Variants in TRNT1 observed in about 807,000 individuals in gnomAD.
TRNT1 encodes tRNA nucleotidyl transferase 1.
A neutral mutation model predicts 45.6 loss-of-function variants in TRNT1; 44 were observed. That is an observed-to-expected ratio of 0.97 (90% CI 0.76 to 1.24). TRNT1 has a LOEUF of 1.24. Ranked by LOEUF, TRNT1 falls within the 50% of genes most tolerant of loss-of-function variation. The pLI is 0.00. For synonymous variants in TRNT1, 201 were observed against 171.4 expected (o/e 1.17, Z -1.35); for missense variants, 633 against 504.4 (o/e 1.25, Z -2.44).
chr3:3,149,099 C>CATAACATCTTTGTACT (rs1370776761), downstream of TRNT1: 1 of 152,028 alleles, frequency 6.6e-6, no homozygotes, highest in Non-Finnish European at 1.5e-5. Flanking sequence ...TGTAGCCAGT[C>CATAACATCTTTGTACT]ATAACATCTT....
downstream of TRNT1, chr3:3,153,290 C>T: frequency 1.6e-6 from 1 of 627,454 alleles, no homozygotes; most frequent in East Asian, 2.8e-5. Context: ...CAAAAGTGAG[C>T]TAATTCCCTA....
chr3:3,146,361 A>G (rs1478056971), intron 5 of TRNT1, 69 bp from the exon 6 acceptor site: 1 of 1,287,222 alleles, frequency 7.8e-7, no homozygotes, highest in Non-Finnish European at 1.1e-6. Flanking sequence ...ACCAATAAAA[A>G]TGAAAAACAG....
intron 4 of TRNT1, among the ~76,000 whole-genome samples, chr3:3,143,234 G>A (rs1705770572): frequency 6.6e-6 from 1 of 152,044 alleles, no homozygotes; most frequent in Admixed American, 6.5e-5. Flanking sequence ...GTTTGCCTGA[G>A]CTTGAAATAC....
chr3:3,147,944 AC>A lies in TRNT1; in HGVS notation c.1096del (p.Leu366Ter). 6.2e-7 allele frequency: 1 copy of A among 1,613,968 alleles called. No homozygotes were observed. The highest frequency in any genetic ancestry group is 8.5e-7 in the Non-Finnish European group (1 of 1,179,874). ...ATGCAACTACTCGTGTATGTGAACTACTGAAGTACCAAGGAGAGCACTGTCT... is the reference window on the plus strand; with the variant it reads ...ATGCAACTACTCGTGTATGTGAACTATGAAGTACCAAGGAGAGCACTGTCT... ...PDATTRVCEL[L>X]KYQGEHCLLK... On this transcript the variant is annotated frameshift_variant, in exon 8 of 8. Coordinates refer to ENST00000251607, the MANE Select transcript of TRNT1 (RefSeq NM_182916.3). LOFTEE classifies it high-confidence loss of function.
chr3:3,129,640 T>C (rs981137749), intron 2 of TRNT1: 11 of 566,616 alleles, frequency 1.9e-5, no homozygotes, highest in Non-Finnish European at 3.5e-5. Context: ...TCCAAAAATA[T>C]AGCTAAATCA....
chr3:3,147,112 A>G (rs527702891), intron 6 of TRNT1, among the ~76,000 whole-genome samples: 12 of 152,270 alleles, frequency 7.9e-5, no homozygotes, highest in African/African-American at 2.9e-4. Context: ...TTTCAGTAAC[A>G]TTACTGAATG....
chr3:3,149,321 C>T (rs542294165), downstream of TRNT1: 14 of 152,184 alleles, frequency 9.2e-5, no homozygotes, highest in African/African-American at 3.4e-4. Context: ...TTAGACCCAA[C>T]GTCATATAAT....
chr3:3,152,470 G>C, downstream of TRNT1: 1 of 1,613,568 alleles, frequency 6.2e-7, no homozygotes, highest in Non-Finnish European at 8.5e-7. Context: ...GAAACCAGCT[G>C]TGTTCTGTAG....
downstream of TRNT1, chr3:3,152,457 C>A (rs1706636282): frequency 1.9e-6 from 3 of 1,613,714 alleles, no homozygotes; most frequent in Non-Finnish European, 2.5e-6. Context: ...TAATATTACC[C>A]AGGAAACCAG....
At position 3,148,894 on chromosome 3, in the gene TRNT1, T is replaced by G. The variant is rs998665800; in HGVS notation, c.*740T>G. The G allele has an allele frequency of 6.6e-6, 1 of 152,178 alleles. No homozygotes were observed. The highest frequency in any genetic ancestry group is 1.9e-4 in the East Asian group (1 of 5,198). The allele number at this position is 152,178 out of a possible 1,614,324, so 9.4% of individuals were successfully genotyped here. On this transcript the variant is annotated 3_prime_UTR_variant, in exon 8 of 8. Coordinates refer to ENST00000251607, the MANE Select transcript of TRNT1 (RefSeq NM_182916.3). ...ATCTGACAATGTGTATTAGGTGTCATATACAATGGTAATATGCCTGTCTTT... is the reference window on the plus strand; with the variant it reads ...ATCTGACAATGTGTATTAGGTGTCAGATACAATGGTAATATGCCTGTCTTT...
At chr3:3,150,696 A>G (rs1706467075), downstream of TRNT1, 1 of 655,256 alleles carries the variant, frequency 1.5e-6, no homozygotes, top group Middle Eastern at 4.3e-4. Flanking sequence ...AGTATACTTA[A>G]AAGTTTCAAA....
At chr3:3,130,192 C>T (rs915940619) in intron 2 of TRNT1, 17 of 535,222 alleles carry the variant, frequency 3.2e-5, no homozygotes, top group Admixed American at 1.0e-4. Context: ...ATGACCTATA[C>T]AGCACTGGCT....
At chr3:3,150,458 C>A, downstream of TRNT1, 1 of 193,520 alleles carries the variant, frequency 5.2e-6, no homozygotes, top group South Asian at 9.1e-5. Context: ...GGTACAGATA[C>A]GCTGTCCCAT....
At chr3:3,127,430 G>C (rs924211787) in intron 1 of TRNT1, 2 of 152,308 alleles carry the variant, frequency 1.3e-5, no homozygotes, top group Non-Finnish European at 2.9e-5. Flanking sequence ...CCGTGGAATG[G>C]AATGGTTTTT....
intron 4 of TRNT1, among the ~76,000 whole-genome samples, chr3:3,142,969 G>T (rs1705826): frequency 6.6e-6 from 1 of 152,034 alleles, no homozygotes; most frequent in Non-Finnish European, 1.5e-5. Context: ...TTAACAGCTT[G>T]GAAAGAGTTA....
intron 7 of TRNT1, 99 bp downstream of exon 7, chr3:3,147,802 A>G (rs758631268): frequency 1.4e-5 from 21 of 1,517,878 alleles, no homozygotes; most frequent in Non-Finnish European, 1.8e-5. Context: ...AATTTTACTT[A>G]TTTTAAATGA....
At chr3:3,138,959 G>C (rs1262817505) in intron 3 of TRNT1, among the ~76,000 whole-genome samples, 1 of 152,196 alleles carries the variant, frequency 6.6e-6, no homozygotes, top group African/African-American at 2.4e-5. Flanking sequence ...CCCAGTCTAA[G>C]TCTCAGTAGG....
Position 3,148,158 on chromosome 3 carries a change from T to C in TRNT1, c.*4T>C, listed in dbSNP as rs1355076822. The stretch of plus-strand genomic sequence containing the variant: ...GAGTTACATAAAGAAGACCTAAAAC[T>C]GATGGCTACTAAAAAGCAGAGCATT... On this transcript the variant is annotated 3_prime_UTR_variant, in exon 8 of 8. Coordinates refer to ENST00000251607, the MANE Select transcript of TRNT1 (RefSeq NM_182916.3). 1 of 1,610,610 alleles carries C rather than the reference T, an allele frequency of 6.2e-7. No individual in the cohort carries two copies. The highest frequency in any genetic ancestry group is 1.3e-5 in the African/African-American group (1 of 74,762).
At chr3:3,141,880 G>A (rs1378214591) in intron 4 of TRNT1, among the ~76,000 whole-genome samples, 2 of 152,142 alleles carry the variant, frequency 1.3e-5, no homozygotes, top group East Asian at 1.9e-4. Context: ...TGGGTTCTAG[G>A]TACAACATTG....
Sources: allele counts gnomAD v4.1 joint callset (sites outside exome capture counted in the v4.1 genomes callset), GRCh38; gene constraint gnomAD v4.1.1; transcripts MANE v1.5; gene names NCBI Gene and HGNC (gene_info 2026-07-23, HGNC 2026-07-21).